The following HIVEP1 variants were observed in gnomAD, a reference collection of about 807,000 sequenced individuals.
HIVEP1 encodes HIVEP zinc finger 1.
A neutral mutation model predicts 180.0 loss-of-function variants in HIVEP1; 36 were observed. The observed-to-expected ratio is 0.20, with a 90% CI of 0.15 to 0.26. HIVEP1 has a LOEUF of 0.26. Ranked by LOEUF, HIVEP1 falls within the 10% of genes least tolerant of loss-of-function variation. The probability of loss-of-function intolerance (pLI) is 1.00; values close to 1 mark genes in which losing one functional copy is unlikely to be tolerated. For synonymous variants in HIVEP1, 1,239 were observed against 1,239.0 expected, an observed-to-expected ratio of 1.00 and a Z score of 0.00; for missense variants, 3,143 against 3,268.7, an observed-to-expected ratio of 0.96 and a Z score of 0.94.
At chr6:12,045,036 T>G (rs1280062717) in intron 2 of HIVEP1, among the ~76,000 whole-genome samples, 2 of 152,268 alleles carry the variant, frequency 1.3e-5, no homozygotes, top group Admixed American at 6.5e-5. Context: ...AGGGCTTCTG[T>G]GGCTATTTAG....
chr6:12,009,318 C>T (rs187026901), upstream of HIVEP1, among the ~76,000 whole-genome samples: 23 of 152,030 alleles, frequency 1.5e-4, no homozygotes, highest in Admixed American at 1.4e-3. Context: ...GACTTTGTGC[C>T]CTCTCCAAAC....
chr6:12,106,836 C>T (rs1774459652), intron 3 of HIVEP1, among the ~76,000 whole-genome samples: 1 of 152,154 alleles, frequency 6.6e-6, no homozygotes, highest in Non-Finnish European at 1.5e-5. Context: ...TATTGCGTAT[C>T]ATTGGCATGA....
At chr6:12,167,723 T>TATAG (rs1760762617), downstream of HIVEP1, among the ~76,000 whole-genome samples, 1 of 81,086 alleles carries the variant, frequency 1.2e-5, no homozygotes, top group African/African-American at 3.9e-5. Context: ...ATAATATATA[T>TATAG]ACATATATAC....
At chr6:12,108,089 T>C (rs1218337407) in intron 3 of HIVEP1, among the ~76,000 whole-genome samples, 1 of 151,472 alleles carries the variant, frequency 6.6e-6, no homozygotes, top group Non-Finnish European at 1.5e-5. Flanking sequence ...GAGTGCCTAT[T>C]GGTATATTTA....
chr6:12,125,643 C>G lies in HIVEP1; in HGVS notation c.5848C>G (p.Gln1950Glu). ...CTTTACATGGTGTTATCTCTTAAGGCAGAAGTCGTTGCATTTGCCTCAGAA... is the reference window on the plus strand; with the variant it reads ...CTTTACATGGTGTTATCTCTTAAGGGAGAAGTCGTTGCATTTGCCTCAGAA... ...TNFTWCYLLR[Q>E]KSLHLPQKDQ... The change falls in exon 4 of 9, where the codon CAG becomes GAG. Residue 1950 changes from glutamine (Q) to glutamate (E), a missense_variant. Coordinates refer to ENST00000379388, the MANE Select transcript of HIVEP1 (RefSeq NM_002114.4). 9 of 1,614,168 alleles carry G rather than the reference C, an allele frequency of 5.6e-6. No homozygotes were observed. Among genetic ancestry groups the G allele is most frequent in the Non-Finnish European group, 6.8e-6 (8 of 1,180,000 alleles).
chr6:12,106,131 C>T (rs561017775), intron 3 of HIVEP1, among the ~76,000 whole-genome samples: 1 of 151,196 alleles, frequency 6.6e-6, no homozygotes, highest in Admixed American at 6.6e-5. Flanking sequence ...TTTGGTTTAT[C>T]CATTGATCTG....
chr6:12,176,007 G>A, the HIVEP1 span, among the ~76,000 whole-genome samples: 3 of 152,128 alleles, frequency 2.0e-5, no homozygotes, highest in Non-Finnish European at 4.4e-5. Flanking sequence ...CAACAAAGAA[G>A]CCTCCTGAGG....
At chr6:12,193,149 C>G in the HIVEP1 span, among the ~76,000 whole-genome samples, 1 of 152,190 alleles carries the variant, frequency 6.6e-6, no homozygotes, top group African/African-American at 2.4e-5. Flanking sequence ...TTTTGCTTAA[C>G]ATATTATTCT....
chr6:12,185,279 G>C, the HIVEP1 span, among the ~76,000 whole-genome samples: 2,881 of 152,312 alleles, frequency 0.019, 108 homozygotes, highest in African/African-American at 0.065. Context: ...GCTGGGTGGA[G>C]GGAACAGTAG....
At position 12,123,406 on chromosome 6, in the gene HIVEP1, G is replaced by C; in HGVS notation, c.3611G>C (p.Gly1204Ala). Residue 1204 changes from glycine (G) to alanine (A), a missense_variant, in exon 4 of 9, where the codon GGA becomes GCA. This residue lies in a region of HIVEP1 where 1,357 missense variants were observed against 1,260.5 expected (regional missense o/e 1.08). Coordinates refer to ENST00000379388, the MANE Select transcript of HIVEP1 (RefSeq NM_002114.4). ...HQLALSDALR[G>A]ELQESSRKSP... ...CTTGCACTATCAGACGCTCTCAGAG[G>C]AGAACTTCAGGAAAGCTCCAGAAAG... 6.2e-7 allele frequency: 1 copy of C among 1,614,164 alleles called. No homozygotes were observed. The highest frequency in any genetic ancestry group is 8.5e-7 in the Non-Finnish European group (1 of 1,180,030).
rs1758030383 is a variant in HIVEP1, at chr6:12,125,734, T to G, written c.5939T>G (p.Leu1980Trp). The G allele has an allele frequency of 6.2e-7, 1 of 1,614,228 alleles. No homozygotes were observed. The highest frequency in any genetic ancestry group is 2.2e-5 in the East Asian group (1 of 44,880). ...GCCAGTAATCCAAATCCACTCGGTT[T>G]GCCCACAAAAGTTGCACTTGCTCTC... is the stretch of plus-strand genomic sequence containing the variant. ...VSASNPNPLG[L>W]PTKVALALLN... The change falls in exon 4 of 9, where the codon TTG becomes TGG. Residue 1980 changes from leucine (L) to tryptophan (W), a missense_variant. By Grantham distance (61) the Leu-to-Trp change is moderately conservative (BLOSUM62 -2). Coordinates refer to ENST00000379388, the MANE Select transcript of HIVEP1 (RefSeq NM_002114.4).
rs565532585 is a variant in HIVEP1, at chr6:12,047,553, G to A, written c.40+31885G>A. On this transcript the variant is annotated intron_variant, in intron 2 of 8. Transcript: ENST00000379388. ...CCCTGGGCAGCCTAGGTCACATCGC[G>A]GGTCTCACAGCCACTGGAGCAGAGG... Among the ~76,000 whole-genome samples, 159 of 152,340 alleles carry A rather than the reference G, an allele frequency of 1.0e-3. 2 individuals are homozygous for A. The highest frequency in any genetic ancestry group is 1.9e-3 in the Non-Finnish European group (130 of 68,030).
At chr6:12,129,003 G>C (rs888979052) in intron 4 of HIVEP1, among the ~76,000 whole-genome samples, 4 of 152,160 alleles carry the variant, frequency 2.6e-5, no homozygotes, top group African/African-American at 9.7e-5. Flanking sequence ...TTGAGGTCAG[G>C]AGTATAAGAC....
intron 2 of HIVEP1, among the ~76,000 whole-genome samples, chr6:12,022,251 A>G (rs917257254): frequency 3.3e-5 from 5 of 151,926 alleles, no homozygotes; most frequent in African/African-American, 7.2e-5. Context: ...GCTCACTGCA[A>G]CCTCCACTCT....
At chr6:12,185,771 C>T in the HIVEP1 span, among the ~76,000 whole-genome samples, 1 of 152,096 alleles carries the variant, frequency 6.6e-6, no homozygotes, top group African/African-American at 2.4e-5. Flanking sequence ...ATTGGAGTGG[C>T]TGTAATAAGA....
chr6:12,080,478 ATATGT>A (rs1772711939), intron 2 of HIVEP1, among the ~76,000 whole-genome samples: 1 of 152,168 alleles, frequency 6.6e-6, no homozygotes, highest in Non-Finnish European at 1.5e-5. Context: ...AAATAATTAG[ATATGT>A]TAAGAGACAA....
downstream of HIVEP1, among the ~76,000 whole-genome samples, chr6:12,167,567 G>A (rs1228388780): frequency 3.7e-4 from 1 of 2,726 alleles, no homozygotes; most frequent in African/African-American, 1.8e-3. Context: ...TATATTACAT[G>A]CATGTTATAT....
chr6:12,126,155 A>C (rs1414928843), intron 4 of HIVEP1, among the ~76,000 whole-genome samples: 2 of 152,254 alleles, frequency 1.3e-5, no homozygotes, highest in African/African-American at 4.8e-5. Flanking sequence ...TTAGTAGTAC[A>C]GATGATCATG....
intron 7 of HIVEP1, among the ~76,000 whole-genome samples, chr6:12,151,947 G>A (rs957797801): frequency 1.3e-5 from 2 of 152,182 alleles, no homozygotes; most frequent in Non-Finnish European, 2.9e-5. Flanking sequence ...CCTGAGGTCA[G>A]GAGTTCGAGA....
Sources: allele counts gnomAD v4.1 joint callset (sites outside exome capture counted in the v4.1 genomes callset), GRCh38; gene constraint gnomAD v4.1.1; regional missense constraint gnomAD v4.1.1; transcripts MANE v1.5; gene names NCBI Gene and HGNC (gene_info 2026-07-23, HGNC 2026-07-21).